The following FEZ2 variants were observed in gnomAD, a reference collection of about 807,000 sequenced individuals.
The protein encoded by FEZ2 is fasciculation and elongation protein zeta-2.
A neutral mutation model predicts 40.4 loss-of-function variants in FEZ2; 51 were observed. The observed-to-expected ratio is 1.26, with a 90% CI of 1.01 to 1.59. FEZ2 has a LOEUF of 1.59. Ranked by LOEUF, FEZ2 falls within the 40% of genes most tolerant of loss-of-function variation. FEZ2 has a pLI of 0.00. For synonymous variants in FEZ2, 242 were observed against 172.0 expected (o/e 1.41, Z -3.18); for missense variants, 640 against 438.3 (o/e 1.46, Z -4.11).
chr2:36,553,002 A>T lies in FEZ2; in HGVS notation c.*161T>A, dbSNP rs1431599161. 6.9e-6 allele frequency: 4 copies of T among 582,792 alleles called. No homozygotes were observed. In the South Asian group the frequency reaches 1.0e-4, roughly 15 times the overall value. 36.1% of individuals were successfully genotyped at this position (582,792 alleles called of 1,614,324 possible). A position where few individuals can be genotyped will look rare whatever the true frequency, so the allele number is the denominator to read the frequency against. ...TAGTGCCCATATTTCCGTTGGTTCT[A>T]TAATATAAAGAATTAGTGTAGTCAA... On this transcript the variant is annotated 3_prime_UTR_variant, in exon 8 of 8. Coordinates refer to ENST00000405912, the MANE Select transcript of FEZ2 (RefSeq NM_005102.3).
intron 1 of FEZ2, 98 bp downstream of exon 1, chr2:36,597,779 G>A (rs1573039038): frequency 3.2e-6 from 3 of 942,596 alleles, no homozygotes; most frequent in Admixed American, 4.3e-5. Flanking sequence ...CGTCCGGGCG[G>A]AAGGAGGGCG....
At chr2:36,559,787 A>G (rs1415082246) in intron 5 of FEZ2, among the ~76,000 whole-genome samples, 3 of 152,206 alleles carry the variant, frequency 2.0e-5, no homozygotes, top group Admixed American at 6.5e-5. Context: ...CTCCACTGAC[A>G]GTCTGGAAGA....
chr2:36,553,004 A>G lies in FEZ2; in HGVS notation c.*159T>C. 1.7e-6 allele frequency: 1 copy of G among 584,970 alleles called. No homozygotes were observed. The highest frequency in any genetic ancestry group is 3.3e-5 in the Admixed American group (1 of 30,728). 36.2% of individuals were successfully genotyped at this position (584,970 alleles called of 1,614,324 possible). A position where few individuals can be genotyped will look rare whatever the true frequency, so the allele number is the denominator to read the frequency against. The stretch of plus-strand genomic sequence containing the variant: ...GTGCCCATATTTCCGTTGGTTCTAT[A>G]ATATAAAGAATTAGTGTAGTCAAGA... On this transcript the variant is annotated 3_prime_UTR_variant, in exon 8 of 8. Coordinates refer to ENST00000405912, the MANE Select transcript of FEZ2 (RefSeq NM_005102.3).
chr2:36,559,332 C>G (rs950050578), intron 5 of FEZ2: 1 of 152,146 alleles, frequency 6.6e-6, no homozygotes, highest in Admixed American at 6.6e-5. Flanking sequence ...AAAATAGTTC[C>G]GTGCATTTCA....
chr2:36,588,901 T>A (rs1668986563), intron 2 of FEZ2, among the ~76,000 whole-genome samples: 4 of 152,312 alleles, frequency 2.6e-5, no homozygotes, highest in African/African-American at 9.6e-5. Flanking sequence ...CTCACGCTGC[T>A]AATGGGCCTG....
At chr2:36,565,723 G>A (rs761678381) in intron 5 of FEZ2, among the ~76,000 whole-genome samples, 1 of 152,058 alleles carries the variant, frequency 6.6e-6, no homozygotes, top group Non-Finnish European at 1.5e-5. Context: ...TTTGAATATA[G>A]CAATTATCAC....
chr2:36,558,389 C>A (rs1297821956), intron 6 of FEZ2, 49 bp downstream of exon 6: 1 of 1,196,964 alleles, frequency 8.4e-7, no homozygotes, highest in Non-Finnish European at 1.2e-6. Flanking sequence ...AGGTGTTTAC[C>A]AATCAGCAAA....
At chr2:36,570,218 A>AT (rs1558447245) in intron 5 of FEZ2, among the ~76,000 whole-genome samples, 1 of 151,898 alleles carries the variant, frequency 6.6e-6, no homozygotes, top group African/African-American at 2.4e-5. Context: ...TCTACCAAAA[A>AT]TTTTTTTAAA....
At chr2:36,582,446 T>A (rs559680597) in intron 3 of FEZ2, among the ~76,000 whole-genome samples, 1 of 152,172 alleles carries the variant, frequency 6.6e-6, no homozygotes, top group African/African-American at 2.4e-5. Flanking sequence ...GAATCTGTTA[T>A]TCTAACTCTT....
chr2:36,554,375 G>A (rs1471860490), intron 7 of FEZ2: 55 of 466,466 alleles, frequency 1.2e-4, no homozygotes, highest in African/African-American at 2.0e-5. Context: ...GAATGCTTCA[G>A]AAGCTCATTC....
intron 1 of FEZ2, among the ~76,000 whole-genome samples, chr2:36,592,007 T>C (rs953608407): frequency 1.3e-5 from 2 of 152,092 alleles, no homozygotes; most frequent in Admixed American, 6.5e-5. Flanking sequence ...ACCAAAGTAA[T>C]AATCAGCACA....
chr2:36,592,087 G>A (rs7601970), intron 1 of FEZ2, among the ~76,000 whole-genome samples: 5,994 of 152,146 alleles, frequency 0.039, 407 homozygotes, highest in African/African-American at 0.14. Flanking sequence ...ATTGGGATAC[G>A]TAAAATCAAA....
intron 5 of FEZ2, 71 bp downstream of exon 5, chr2:36,578,526 C>T: frequency 1.3e-6 from 2 of 1,506,664 alleles, no homozygotes; most frequent in Non-Finnish European, 9.0e-7. Flanking sequence ...CACCTGCCAC[C>T]AGCCCCAAAG....
intron 2 of FEZ2, among the ~76,000 whole-genome samples, chr2:36,586,819 C>T (rs1356503835): frequency 2.0e-5 from 3 of 152,002 alleles, no homozygotes; most frequent in Non-Finnish European, 4.4e-5. Flanking sequence ...TGGCGGTACT[C>T]GTGTGTAGTC....
chr2:36,589,502 A>G (rs1029891650), intron 2 of FEZ2: 2 of 152,244 alleles, frequency 1.3e-5, no homozygotes, highest in Non-Finnish European at 1.5e-5. Context: ...CTAAAATTGT[A>G]TAATTCCATG....
intron 2 of FEZ2, among the ~76,000 whole-genome samples, chr2:36,587,749 G>A (rs1434248022): frequency 1.3e-5 from 2 of 151,912 alleles, no homozygotes; most frequent in Non-Finnish European, 2.9e-5. Context: ...GTCACGGCAC[G>A]AACAGAGCAC....
chr2:36,562,140 ATGAG>A (rs1383429584), intron 5 of FEZ2, among the ~76,000 whole-genome samples: 4 of 152,248 alleles, frequency 2.6e-5, no homozygotes, highest in African/African-American at 7.2e-5. Flanking sequence ...CCAGATGTTA[ATGAG>A]ATTGACAAAA....
chr2:36,592,597 G>A (rs1669101625), intron 1 of FEZ2, among the ~76,000 whole-genome samples: 1 of 149,302 alleles, frequency 6.7e-6, no homozygotes, highest in South Asian at 2.1e-4. Flanking sequence ...CTTGAAGCCA[G>A]GAGTTCAAGA....
intron 5 of FEZ2, among the ~76,000 whole-genome samples, chr2:36,568,389 G>C (rs377149250): frequency 6.6e-6 from 1 of 152,168 alleles, no homozygotes; most frequent in Non-Finnish European, 1.5e-5. Context: ...AAAACAATTT[G>C]TTACAGTTTA....
Sources: allele counts gnomAD v4.1 joint callset (sites outside exome capture counted in the v4.1 genomes callset), GRCh38; gene constraint gnomAD v4.1.1; transcripts MANE v1.5; gene names NCBI Gene and HGNC (gene_info 2026-07-23, HGNC 2026-07-21).